PHACTR3: variants seen among roughly 807,000 people sequenced by gnomAD.
The protein encoded by PHACTR3 is protein phosphatase 1, regulatory subunit 123.
Under a neutral mutation model 66.8 loss-of-function variants are expected in PHACTR3, and 16 were observed. The observed-to-expected ratio is 0.24, with a 90% confidence interval of 0.16 to 0.36. The LOEUF is 0.36. Ranked by LOEUF, PHACTR3 falls within the 10% of genes least tolerant of loss-of-function variation. The pLI is 1.00. For missense variants in PHACTR3, 647 were observed against 719.9 expected, an observed-to-expected ratio of 0.90 and a Z score of 1.16; for synonymous variants, 323 against 292.1, an observed-to-expected ratio of 1.11 and a Z score of -1.08.
At chr20:59,824,317 G>A (rs895165683) in intron 8 of PHACTR3, among the ~76,000 whole-genome samples, 1 of 152,216 alleles carries the variant, frequency 6.6e-6, no homozygotes, top group Admixed American at 6.5e-5. Flanking sequence ...ATGTAAGATT[G>A]CACTCAGTCT....
intron 1 of PHACTR3, among the ~76,000 whole-genome samples, chr20:59,653,207 T>C (rs1601013528): frequency 1.3e-5 from 2 of 151,238 alleles, no homozygotes; most frequent in Admixed American, 6.6e-5. Flanking sequence ...TTTTTTGAGA[T>C]GGAGTCTTGC....
Position 59,755,360 on chromosome 20 carries a change from T to C in PHACTR3, c.537T>C (p.Asp179=). The C allele has an allele frequency of 6.2e-7, 1 of 1,613,276 alleles. No homozygotes were observed. Among genetic ancestry groups the C allele is most frequent in the Non-Finnish European group, 8.5e-7 (1 of 1,179,948 alleles). ...KPLSSAAHLD[D]AAKMPSASSG... ...TGTCCTCAGCTGCCCACTTGGACGA[T>C]GCAGGTACTGGCTGGAGACCACGCG... The change falls in exon 4 of 13, where the codon GAT becomes GAC. Residue 179 remains aspartate (D), a synonymous_variant. Transcript: ENST00000371015.
In PHACTR3 at chr20:59,639,916, A is replaced by C. The variant is rs112847488; in HGVS notation, c.118+34784A>C. ...TTCTCCGTGATAATGCAGGAAAAAA[A>C]CTCGCAAACCTGGCCATGATGCCCC... On this transcript the variant is annotated intron_variant, in intron 1 of 12. Coordinates refer to ENST00000371015, the MANE Select transcript of PHACTR3 (RefSeq NM_080672.5). Among the ~76,000 whole-genome samples the C allele has an allele frequency of 4.6e-3, 704 of 152,268 alleles. 8 individuals are homozygous for C. Among genetic ancestry groups the C allele is most frequent in the African/African-American group, 0.016 (656 of 41,538 alleles).
chr20:59,671,415 G>A (rs1353535000), intron 1 of PHACTR3, among the ~76,000 whole-genome samples: 2 of 152,210 alleles, frequency 1.3e-5, no homozygotes, highest in South Asian at 2.1e-4. Context: ...GGCAGTGCTG[G>A]GAGGTGGCTT....
At chr20:59,783,272 G>A (rs1320294313) in intron 7 of PHACTR3, among the ~76,000 whole-genome samples, 2 of 152,180 alleles carry the variant, frequency 1.3e-5, no homozygotes, top group Non-Finnish European at 2.9e-5. Context: ...GATGCAGGAT[G>A]CTTGTGAGAA....
intron 1 of PHACTR3, among the ~76,000 whole-genome samples, chr20:59,618,304 G>A (rs1388954380): frequency 6.6e-6 from 1 of 152,152 alleles, no homozygotes; most frequent in Admixed American, 6.5e-5. Flanking sequence ...GGAACCATGG[G>A]ATGTCTGAAG....
At chr20:59,748,980 C>T (rs371011620) in intron 3 of PHACTR3, among the ~76,000 whole-genome samples, 52 of 152,204 alleles carry the variant, frequency 3.4e-4, no homozygotes, top group African/African-American at 1.2e-3. Flanking sequence ...TCTTTAGACT[C>T]GAAGAGTGAA....
chr20:59,792,500 T>C (rs1298048774), intron 7 of PHACTR3, among the ~76,000 whole-genome samples: 1 of 152,244 alleles, frequency 6.6e-6, no homozygotes, highest in African/African-American at 2.4e-5. Context: ...TCAGTCTTTT[T>C]AATTTCATGT....
intron 8 of PHACTR3, among the ~76,000 whole-genome samples, chr20:59,823,039 A>G (rs1473140808): frequency 6.6e-6 from 1 of 152,216 alleles, no homozygotes; most frequent in Non-Finnish European, 1.5e-5. Context: ...AGGGCAAGGC[A>G]GGCCCTGGTA....
chr20:59,769,773 C>T (rs147297097), intron 5 of PHACTR3, among the ~76,000 whole-genome samples: 51 of 152,330 alleles, frequency 3.3e-4, no homozygotes, highest in African/African-American at 4.3e-4. Flanking sequence ...TGAATGCATG[C>T]GTGCTCTGAA....
At chr20:59,584,330 C>G (rs2032954509) in intron 1 of PHACTR3, among the ~76,000 whole-genome samples, 1 of 149,776 alleles carries the variant, frequency 6.7e-6, no homozygotes, top group African/African-American at 2.5e-5. Flanking sequence ...GGGTGTGAAG[C>G]TGTGATGAGT....
chr20:59,591,176 A>G (rs903995678), intron 1 of PHACTR3, among the ~76,000 whole-genome samples: 11 of 152,140 alleles, frequency 7.2e-5, no homozygotes, highest in African/African-American at 2.7e-4. Context: ...AGCAATTTGC[A>G]CCAGCCCCAG....
At chr20:59,628,646 G>A (rs2034551571) in intron 1 of PHACTR3, 1 of 985,438 alleles carries the variant, frequency 1.0e-6, no homozygotes, top group Non-Finnish European at 1.2e-6. Flanking sequence ...GAGAGGATCA[G>A]TTCATTCTCC....
chr20:59,629,248 GCAGC>G (rs2034576802), intron 1 of PHACTR3, among the ~76,000 whole-genome samples: 1 of 152,172 alleles, frequency 6.6e-6, no homozygotes, highest in African/African-American at 2.4e-5. Context: ...AGTGGCAGGG[GCAGC>G]CTCCTCCTGG....
At chr20:59,622,640 C>G (rs1403572357) in intron 1 of PHACTR3, among the ~76,000 whole-genome samples, 2 of 152,116 alleles carry the variant, frequency 1.3e-5, no homozygotes, top group Non-Finnish European at 2.9e-5. Flanking sequence ...TGCCCCGGCA[C>G]CTCGCTGCAC....
intron 1 of PHACTR3, among the ~76,000 whole-genome samples, chr20:59,658,449 T>C (rs1026484699): frequency 3.3e-5 from 5 of 152,150 alleles, no homozygotes; most frequent in African/African-American, 4.8e-5. Flanking sequence ...TTTCTTTTCC[T>C]CTGAGCTTGC....
At chr20:59,682,413 C>T (rs1490449700) in intron 1 of PHACTR3, among the ~76,000 whole-genome samples, 1 of 152,140 alleles carries the variant, frequency 6.6e-6, no homozygotes, top group Non-Finnish European at 1.5e-5. Context: ...TCTGCGGGGT[C>T]CCTAGAGTGT....
intron 7 of PHACTR3, among the ~76,000 whole-genome samples, chr20:59,791,125 A>G (rs1277742953): frequency 6.6e-6 from 1 of 152,168 alleles, no homozygotes; most frequent in Non-Finnish European, 1.5e-5. Flanking sequence ...AATTGCCATT[A>G]TAACAGTATT....
chr20:59,841,046 A>G (rs2059049767), intron 10 of PHACTR3, among the ~76,000 whole-genome samples: 2 of 152,220 alleles, frequency 1.3e-5, no homozygotes. Flanking sequence ...AGCTGGACAT[A>G]TAATAACTTT....
Sources: allele counts gnomAD v4.1 joint callset (sites outside exome capture counted in the v4.1 genomes callset), GRCh38; gene constraint gnomAD v4.1.1; transcripts MANE v1.5; gene names NCBI Gene and HGNC (gene_info 2026-07-23, HGNC 2026-07-21).